NCS1: variants seen among roughly 807,000 people sequenced by gnomAD.
NCS1 encodes the protein frequenin homolog.
A neutral mutation model predicts 28.4 loss-of-function variants in NCS1; 6 were observed. The observed-to-expected ratio is 0.21, with a 90% CI of 0.12 to 0.42. The LOEUF is 0.42. NCS1 is among the 10% of genes least tolerant of loss of function. The probability of loss-of-function intolerance (pLI) is 1.00; values close to 1 mark genes in which losing one functional copy is unlikely to be tolerated. For missense variants in NCS1, 131 were observed against 241.4 expected (o/e 0.54, Z 3.03); for synonymous variants, 86 against 99.3 (o/e 0.87, Z 0.79).
chr9:130,178,901 C>CT (rs1832616839), intron 1 of NCS1, among the ~76,000 whole-genome samples: 1 of 47,376 alleles, frequency 2.1e-5, no homozygotes, highest in African/African-American at 7.0e-5. Flanking sequence ...CTCCCCTGCC[C>CT]TCCCCTCCCC....
intron 2 of NCS1, among the ~76,000 whole-genome samples, chr9:130,211,175 C>T (rs1248544374): frequency 6.6e-6 from 1 of 151,736 alleles, no homozygotes; most frequent in Admixed American, 6.6e-5. Context: ...TTACAGAGTT[C>T]CTGTATGCTC....
rs921670051 is a variant in NCS1, at chr9:130,183,308, G to C, written c.64+10581G>C. Among the ~76,000 whole-genome samples, 92 of 150,366 alleles carry C rather than the reference G, an allele frequency of 6.1e-4. No homozygotes were observed. The South Asian group carries it at 9.4e-3, about 15-fold the overall frequency. On this transcript the variant is annotated intron_variant, in intron 1 of 7. Transcript: ENST00000372398. ...TCCGGGTGCCCTGACCATGCGGCTG[G>C]GGGGGGGAGCTCCTTGCCCAGGAGG...
intron 1 of NCS1, among the ~76,000 whole-genome samples, chr9:130,178,212 G>T (rs578011867): frequency 2.0e-5 from 3 of 152,290 alleles, no homozygotes; most frequent in Non-Finnish European, 2.9e-5. Flanking sequence ...GGTCCTTGGG[G>T]TGCAAGTCTT....
intron 4 of NCS1, among the ~76,000 whole-genome samples, chr9:130,220,027 G>A (rs782516105): frequency 2.6e-5 from 4 of 152,224 alleles, no homozygotes; most frequent in African/African-American, 7.2e-5. Flanking sequence ...AGAGAGCAGC[G>A]CAGACATCTG....
At chr9:130,204,377 C>T (rs370662717) in intron 2 of NCS1, among the ~76,000 whole-genome samples, 3 of 152,170 alleles carry the variant, frequency 2.0e-5, no homozygotes, top group Admixed American at 6.5e-5. Flanking sequence ...CAGCCTTGAC[C>T]TCCTGGGCTC....
At chr9:130,174,790 CAAAA>C (rs34473694) in intron 1 of NCS1, among the ~76,000 whole-genome samples, 3 of 91,582 alleles carry the variant, frequency 3.3e-5, no homozygotes, top group Admixed American at 2.7e-4. Flanking sequence ...ACTCTGTCTC[CAAAA>C]AAAAAAAAAA....
chr9:130,193,611 T>G, intron 1 of NCS1, among the ~76,000 whole-genome samples: 1 of 147,610 alleles, frequency 6.8e-6, no homozygotes, highest in African/African-American at 2.5e-5. Context: ...GGGCCATCGG[T>G]GAGGAGCTTG....
intron 2 of NCS1, among the ~76,000 whole-genome samples, chr9:130,203,941 G>T (rs1554907762): frequency 6.6e-6 from 1 of 152,102 alleles, no homozygotes; most frequent in Admixed American, 6.6e-5. Flanking sequence ...CTGGGATCTT[G>T]GGCTCCAGAA....
intron 1 of NCS1, among the ~76,000 whole-genome samples, chr9:130,173,210 G>T (rs1832514752): frequency 1.3e-5 from 2 of 151,730 alleles, no homozygotes; most frequent in East Asian, 1.9e-4. Context: ...GGGGGGGGGG[G>T]TGGCGAGACT....
Position 130,176,176 on chromosome 9 carries a change from TTC to T in NCS1, c.64+3451_64+3452del, listed in dbSNP as rs1286948326. 2.0e-4 allele frequency among the ~76,000 whole-genome samples: 13 copies of T among 65,778 alleles called. 1 individual carries two copies. The Admixed American group carries it at 2.1e-3, about 11-fold the overall frequency. The allele number at this position is 65,778 out of a possible 152,430, so 43.2% of individuals were successfully genotyped here. On this transcript the variant is annotated intron_variant, in intron 1 of 7. Coordinates refer to ENST00000372398, the MANE Select transcript of NCS1 (RefSeq NM_014286.4). ...TTTCTTTCTTTCTTTCTTTCTTTCT[TTC>T]TTTCTTTCTTTCTTTCTTTTTTTTT...
At chr9:130,227,022 CAAAAAAAAAAA>C (rs782338218) in intron 7 of NCS1, among the ~76,000 whole-genome samples, 1 of 42,712 alleles carries the variant, frequency 2.3e-5, no homozygotes, top group African/African-American at 9.0e-5. Flanking sequence ...GACTCCATCT[CAAAAAAAAAAA>C]AAAAAAGAAA....
chr9:130,228,190 CT>C (rs201009270), intron 7 of NCS1, among the ~76,000 whole-genome samples: 9 of 148,718 alleles, frequency 6.1e-5, no homozygotes, highest in East Asian at 2.0e-4. Flanking sequence ...CTTTTTCTTT[CT>C]TTTTTTTTTC....
intron 2 of NCS1, among the ~76,000 whole-genome samples, chr9:130,216,660 G>A (rs1554909423): frequency 1.3e-5 from 2 of 151,178 alleles, no homozygotes; most frequent in Non-Finnish European, 2.9e-5. Flanking sequence ...AGGTTGCAGT[G>A]AGCCGTGATC....
chr9:130,225,424 A>G (rs1554911259), intron 6 of NCS1, among the ~76,000 whole-genome samples: 1 of 152,184 alleles, frequency 6.6e-6, no homozygotes, highest in East Asian at 1.9e-4. Flanking sequence ...TGGAGCACGG[A>G]ATAATAAGTT....
intron 7 of NCS1, among the ~76,000 whole-genome samples, chr9:130,228,950 G>A (rs888046392): frequency 2.0e-5 from 3 of 151,976 alleles, no homozygotes; most frequent in East Asian, 1.9e-4. Context: ...AACTGCAGGC[G>A]TGAGCCACCA....
rs1554909988 is a variant in NCS1 at position 130,219,875 on chromosome 9, C to T, written c.307+72C>T. The T allele has an allele frequency of 3.3e-6, 5 of 1,501,056 alleles. No homozygotes were observed. The East Asian group carries it at 9.0e-5, about 27-fold the overall frequency. The allele number at this position is 1,501,056 out of a possible 1,614,324, so 93.0% of individuals were successfully genotyped here. On this transcript the variant is annotated intron_variant, in intron 4 of 7. Transcript: ENST00000372398. This position sits in a 1 kb window ranked among gnomAD's most constrained non-coding sequence, Gnocchi z 5.7. ...AGGTCAGAGGGAGGCAGCCCTCGGC[C>T]CTCACCAGGCAGGGGTGCCAGACAC...
chr9:130,217,222 A>T (rs1833203642), intron 2 of NCS1, among the ~76,000 whole-genome samples: 1 of 152,184 alleles, frequency 6.6e-6, no homozygotes, highest in South Asian at 2.1e-4. Flanking sequence ...CCACGTAGGG[A>T]TCTGGAGGGT....
intron 4 of NCS1, among the ~76,000 whole-genome samples, chr9:130,222,128 GTATA>G (rs556906501): frequency 1.5e-5 from 2 of 134,236 alleles, no homozygotes; most frequent in Admixed American, 1.6e-4. Flanking sequence ...ATATATATGT[GTATA>G]TATATATACG....
In NCS1 at chr9:130,172,464, C is replaced by A. The variant is rs1564699572; in HGVS notation, c.-200C>A. 1 of 144,878 alleles carries A rather than the reference C, an allele frequency of 6.9e-6. No individual in the cohort carries two copies. The highest frequency in any genetic ancestry group is 1.5e-5 in the Non-Finnish European group (1 of 65,462). 9.0% of individuals were successfully genotyped at this position (144,878 alleles called of 1,614,324 possible). On this transcript the variant is annotated 5_prime_UTR_variant, in exon 1 of 8. Coordinates refer to ENST00000372398, the MANE Select transcript of NCS1 (RefSeq NM_014286.4). ...CGCCGGCGCCCAGCCCAGGCAGCCC[C>A]GCGCCGCGGCGCCCGGACCGCCCGG...
Sources: gnomAD v4.1 joint callset for allele counts (sites outside exome capture counted in the v4.1 genomes callset) on GRCh38, gnomAD v4.1.1 for gene constraint, Gnocchi (gnomAD v3.1) non-coding constraint, MANE v1.5 for transcripts, NCBI Gene and HGNC (gene_info 2026-07-23, HGNC 2026-07-21) for gene names.